The following CDH23 variants were observed in gnomAD, a reference collection of about 807,000 sequenced individuals.
CDH23 encodes the protein cadherin related 23.
CDH23 carries 189 observed loss-of-function variants against 317.1 expected under a neutral mutation model. That is an observed-to-expected ratio of 0.60 (90% CI 0.53 to 0.67). The LOEUF (loss-of-function observed/expected upper bound fraction) is 0.67. Among genes scored for constraint, CDH23 ranks in the 30% least tolerant of loss-of-function variants. The pLI, the probability that CDH23 is intolerant of heterozygous loss-of-function variation, is 0.00. For missense variants in CDH23, 4,401 were observed against 4,592.4 expected (o/e 0.96, Z 1.20); for synonymous variants, 1,839 against 1,876.8 (o/e 0.98, Z 0.52).
At chr10:71,671,207 G>T (rs76698362) in intron 14 of CDH23, among the ~76,000 whole-genome samples, 1 of 151,930 alleles carries the variant, frequency 6.6e-6, no homozygotes, top group Admixed American at 6.6e-5. Flanking sequence ...TGACCCATCC[G>T]CCTCGGCCTC....
At chr10:71,678,213 G>A (rs1864455556) in intron 16 of CDH23, among the ~76,000 whole-genome samples, 1 of 152,072 alleles carries the variant, frequency 6.6e-6, no homozygotes, top group Admixed American at 6.5e-5. Context: ...CCTGTGTCAG[G>A]ACCTCCTCCA....
At chr10:71,462,715 C>T (rs1851061176) in intron 3 of CDH23, among the ~76,000 whole-genome samples, 3 of 152,210 alleles carry the variant, frequency 2.0e-5, no homozygotes, top group African/African-American at 7.2e-5. Context: ...CAGCACAGGG[C>T]CTGGCCCCCA....
intron 3 of CDH23, among the ~76,000 whole-genome samples, chr10:71,478,393 C>T (rs1385518443): frequency 2.0e-5 from 3 of 152,168 alleles, no homozygotes; most frequent in African/African-American, 4.8e-5. Context: ...TGCCTAGTGC[C>T]CTCCCCTTCC....
chr10:71,730,216 C>G (rs181508551), intron 30 of CDH23, among the ~76,000 whole-genome samples: 1 of 152,304 alleles, frequency 6.6e-6, no homozygotes, highest in African/African-American at 2.4e-5. Context: ...AGATGTTCCA[C>G]AGCATTAGTC....
intron 6 of CDH23, among the ~76,000 whole-genome samples, chr10:71,562,797 C>T (rs751367034): frequency 7.9e-5 from 12 of 152,350 alleles, no homozygotes; most frequent in Admixed American, 1.3e-4. Flanking sequence ...TGCTCTGCTC[C>T]GCTCACTGCA....
At chr10:71,476,229 C>T (rs1170782642) in intron 3 of CDH23, among the ~76,000 whole-genome samples, 4 of 152,128 alleles carry the variant, frequency 2.6e-5, no homozygotes, top group African/African-American at 9.7e-5. Flanking sequence ...CATGCACATG[C>T]CCCCGTCCCC....
intron 3 of CDH23, among the ~76,000 whole-genome samples, chr10:71,455,571 C>A (rs78800813): frequency 6.6e-6 from 1 of 152,006 alleles, no homozygotes; most frequent in African/African-American, 2.4e-5. Context: ...ATTGTGCATG[C>A]GAACAGAAGA....
intron 24 of CDH23, among the ~76,000 whole-genome samples, chr10:71,703,490 A>G (rs538370131): frequency 3.3e-5 from 5 of 152,356 alleles, no homozygotes; most frequent in African/African-American, 9.6e-5. Flanking sequence ...TGGGGACTCA[A>G]TCAGACACAC....
At chr10:71,673,739 G>A (rs1379533909) in intron 14 of CDH23, among the ~76,000 whole-genome samples, 2 of 152,216 alleles carry the variant, frequency 1.3e-5, no homozygotes, top group Non-Finnish European at 2.9e-5. Context: ...TAAATTGGAG[G>A]TGGTGCTAAT....
At chr10:71,432,208 G>T (rs1426745140) in intron 1 of CDH23, among the ~76,000 whole-genome samples, 11 of 151,788 alleles carry the variant, frequency 7.2e-5, no homozygotes, top group African/African-American at 2.4e-4. Context: ...GTGTGTGTGA[G>T]TGTGTGCACA....
chr10:71,552,086 G>T (rs1198223328), intron 6 of CDH23, among the ~76,000 whole-genome samples: 1 of 152,256 alleles, frequency 6.6e-6, no homozygotes, highest in Non-Finnish European at 1.5e-5. Context: ...TATGACTGTG[G>T]GCCAGGCCTC....
chr10:71,472,518 G>A (rs1371789162), intron 3 of CDH23, among the ~76,000 whole-genome samples: 1 of 152,228 alleles, frequency 6.6e-6, no homozygotes. Context: ...AGCTGCCAGG[G>A]ACTGTCCCCT....
In CDH23 at chr10:71,479,620, G is replaced by A. The variant is rs185865437; in HGVS notation, c.146-30462G>A. On this transcript the variant is annotated intron_variant, in intron 3 of 69. Transcript: ENST00000224721. ...TACTTTTGATTCTTCAAAAGGTAAC[G>A]TGCTCCTGGGAAGCCTCACATCTTA... Among the ~76,000 whole-genome samples the A allele has an allele frequency of 1.8e-4, 27 of 152,242 alleles. No homozygotes were observed. The East Asian group carries it at 3.7e-3, about 21-fold the overall frequency.
chr10:71,770,086 T>C (rs150117788), intron 38 of CDH23, among the ~76,000 whole-genome samples: 18 of 152,292 alleles, frequency 1.2e-4, no homozygotes, highest in African/African-American at 4.3e-4. Flanking sequence ...GAGAATCTAG[T>C]CCCAGTGAAG....
chr10:71,733,112 C>T (rs1345075441), intron 32 of CDH23, among the ~76,000 whole-genome samples: 1 of 152,176 alleles, frequency 6.6e-6, no homozygotes, highest in East Asian at 1.9e-4. Flanking sequence ...TCCACAAGTT[C>T]GATGAATTTG....
intron 6 of CDH23, among the ~76,000 whole-genome samples, chr10:71,554,903 T>G (rs1856794748): frequency 6.6e-6 from 1 of 152,086 alleles, no homozygotes; most frequent in Admixed American, 6.5e-5. Context: ...GAGAAGGAAG[T>G]GGGAAGTTAT....
intron 30 of CDH23, 70 bp downstream of exon 30, chr10:71,725,590 C>CCATT: frequency 6.6e-7 from 1 of 1,526,320 alleles, no homozygotes; most frequent in African/African-American, 1.4e-5. Flanking sequence ...ACAGAGAAGG[C>CCATT]CATTAGTTGG....
At chr10:71,406,782 C>T (rs190321529) in intron 1 of CDH23, among the ~76,000 whole-genome samples, 63 of 152,316 alleles carry the variant, frequency 4.1e-4, no homozygotes, top group South Asian at 1.0e-3. Context: ...GTGTCAGGTG[C>T]TGTTCTAGGC....
intron 6 of CDH23, among the ~76,000 whole-genome samples, chr10:71,513,991 G>C (rs1854136059): frequency 6.6e-6 from 1 of 151,968 alleles, no homozygotes; most frequent in South Asian, 2.1e-4. Context: ...TAAGTTACAG[G>C]GTGGCAAATC....
Sources: gnomAD v4.1 joint callset for allele counts (sites outside exome capture counted in the v4.1 genomes callset) on GRCh38, gnomAD v4.1.1 for gene constraint, MANE v1.5 for transcripts, NCBI Gene and HGNC (gene_info 2026-07-23, HGNC 2026-07-21) for gene names.